Variants in CHD7 observed in about 807,000 individuals in gnomAD.
CHD7 encodes the protein ATP-dependent chromatin remodeler CHD7.
CHD7 carries 24 observed loss-of-function variants against 307.3 expected under a neutral mutation model. The observed-to-expected ratio is 0.08, with a 90% CI of 0.06 to 0.11. CHD7 has a LOEUF of 0.11. Among genes scored for constraint, CHD7 ranks in the 10% least tolerant of loss-of-function variants. The pLI, the probability that CHD7 is intolerant of heterozygous loss-of-function variation, is 1.00. For missense variants in CHD7, 3,106 were observed against 3,727.1 expected (o/e 0.83, Z 4.34); for synonymous variants, 1,363 against 1,349.9 (o/e 1.01, Z -0.21).
Position 60,856,743 on chromosome 8 carries a change from G to A in CHD7, c.7463G>A (p.Gly2488Asp), listed in dbSNP as rs398124324. The A allele has an allele frequency of 1.0e-4, 165 of 1,613,938 alleles. No individual in the cohort carries two copies. Among genetic ancestry groups the A allele is most frequent in the Non-Finnish European group, 1.3e-4 (154 of 1,179,910 alleles). Reference sequence around the variant, plus strand: ...ACTCAAATGGAACTGCTCCAAGCAGGCCTTTCGCGCACACCCACAAGGCAT... The same window carrying A: ...ACTCAAATGGAACTGCTCCAAGCAGACCTTTCGCGCACACCCACAAGGCAT... ...FKTQMELLQA[G>D]LSRTPTRHLL... is the part of the protein sequence containing the mutation. The change falls in exon 34 of 38, where the codon GGC (glycine) becomes GAC (aspartate). Residue 2488 changes from glycine (G) to aspartate (D), a missense_variant. Coordinates refer to ENST00000423902, the MANE Select transcript of CHD7 (RefSeq NM_017780.4).
chr8:60,808,172 A>G (rs938605720), intron 6 of CHD7, 45 bp from the exon 7 acceptor site: 52 of 1,290,604 alleles, frequency 4.0e-5, no homozygotes, highest in Non-Finnish European at 5.0e-5. Flanking sequence ...AAAATATTCT[A>G]GTAGATGGTT....
intron 28 of CHD7, among the ~76,000 whole-genome samples, chr8:60,851,742 G>C (rs1350688796): frequency 6.6e-6 from 1 of 152,164 alleles, no homozygotes; most frequent in Non-Finnish European, 1.5e-5. Context: ...ACATACATTA[G>C]AGGAGAGTAC....
At chr8:60,771,310 A>G (rs929678822) in intron 2 of CHD7, among the ~76,000 whole-genome samples, 4 of 152,214 alleles carry the variant, frequency 2.6e-5, no homozygotes, top group Non-Finnish European at 5.9e-5. Context: ...CTCTCATTCA[A>G]AATGCTTGGA....
rs1324096546 is a variant in CHD7 at position 60,865,969 on chromosome 8, T to C, written c.*36T>C. On this transcript the variant is annotated 3_prime_UTR_variant, in exon 38 of 38. Transcript: ENST00000423902. The surrounding 1 kb of genome is among the most constrained non-coding windows in gnomAD (Gnocchi z 4.3). ...TTCCAGTTCAAGTGTTTAAAACTTT[T>C]GACAAGTGGTAGTCCTACTGTTTAC... is the stretch of plus-strand genomic sequence containing the variant. 1.1e-5 allele frequency: 17 copies of C among 1,528,080 alleles called. No homozygotes were observed. The Admixed American group carries it at 2.7e-4, about 24-fold the overall frequency. The allele number at this position is 1,528,080 out of a possible 1,614,324, so 94.7% of individuals were successfully genotyped here. A position where few individuals can be genotyped will look rare whatever the true frequency, so the allele number is the denominator to read the frequency against.
chr8:60,741,952 C>T lies in CHD7; in HGVS notation c.520C>T (p.Pro174Ser). The change falls in exon 2 of 38, where the codon CCG becomes TCG. Residue 174 changes from proline to serine, a missense_variant. Physicochemically the swap from Pro to Ser is moderately conservative, Grantham distance 74. This residue lies in a region of CHD7 where 998 missense variants were observed against 1,004.5 expected (regional missense o/e 0.99). Coordinates refer to ENST00000423902, the MANE Select transcript of CHD7 (RefSeq NM_017780.4). ...ACAGCCGCAGCCACCGCAGCCGGCT[C>T]CGTCGGGGCCCCCTGCACAGGGCCA... ...QPQPQPPQPAPSGPPAQGHPQ... is the reference protein window; with the variant it reads ...QPQPQPPQPASSGPPAQGHPQ... 1 of 1,613,668 alleles carries T rather than the reference C, an allele frequency of 6.2e-7. No homozygotes were observed. The highest frequency in any genetic ancestry group is 1.1e-5 in the South Asian group (1 of 91,062).
In CHD7 at chr8:60,865,652, C is replaced by A. The variant is rs2129768643; in HGVS notation, c.8713C>A (p.Pro2905Thr). 1 of 1,609,466 alleles carries A rather than the reference C, an allele frequency of 6.2e-7. No individual in the cohort carries two copies. ...LSTMAPGLFY[P>T]SMFLPPGLGG... ...CACAATGGCCCCGGGCCTCTTCTAC[C>A]CATCCATGTTTCTACCTCCAGGACT... The change falls in exon 38 of 38, where the codon CCA becomes ACA. Residue 2905 changes from proline to threonine, a missense_variant. By Grantham distance (38) the Pro-to-Thr change is conservative. Transcript: ENST00000423902. This position sits in a 1 kb window ranked among gnomAD's most constrained non-coding sequence, Gnocchi z 4.3.
intron 2 of CHD7, among the ~76,000 whole-genome samples, chr8:60,749,841 A>C (rs1189562076): frequency 6.6e-6 from 1 of 152,234 alleles, no homozygotes; most frequent in Non-Finnish European, 1.5e-5. Context: ...TTCCTGGGCC[A>C]TAGGTTGCTC....
chr8:60,732,099 G>GT (rs1022264382), intron 1 of CHD7, among the ~76,000 whole-genome samples: 4 of 152,052 alleles, frequency 2.6e-5, no homozygotes, highest in East Asian at 3.8e-4. Flanking sequence ...GTTTTGTTTT[G>GT]TTTTTTTCCC....
intron 1 of CHD7, among the ~76,000 whole-genome samples, chr8:60,682,442 C>T (rs772148268): frequency 6.6e-6 from 1 of 152,164 alleles, no homozygotes; most frequent in Non-Finnish European, 1.5e-5. Context: ...AGAAAATACA[C>T]TGTAAATGCT....
intron 4 of CHD7, among the ~76,000 whole-genome samples, chr8:60,799,884 G>T (rs10957159): frequency 6.6e-6 from 1 of 151,816 alleles, no homozygotes; most frequent in South Asian, 2.1e-4. Flanking sequence ...TGTCCCAGGC[G>T]TCTGACTCCA....
intron 6 of CHD7, among the ~76,000 whole-genome samples, chr8:60,803,354 A>G (rs1812397609): frequency 6.6e-6 from 1 of 152,136 alleles, no homozygotes; most frequent in South Asian, 2.1e-4. Flanking sequence ...TTTAGACTAT[A>G]TATTATGTAG....
chr8:60,749,286 G>A (rs867351223), intron 2 of CHD7, among the ~76,000 whole-genome samples: 25 of 138,832 alleles, frequency 1.8e-4, no homozygotes, highest in East Asian at 1.5e-3. Context: ...CAGGAGAATC[G>A]CTTGAACCCG....
chr8:60,786,468 A>G lies in CHD7; in HGVS notation c.2096+5038A>G, dbSNP rs189766028. On this transcript the variant is annotated intron_variant, in intron 3 of 37. Coordinates refer to ENST00000423902, the MANE Select transcript of CHD7 (RefSeq NM_017780.4). Reference sequence around the variant, plus strand: ...GCTGGAAATTTGTTTCTGCCCATCCAGTGAACTGCAGTGGACTCCAAAGCA... The same window carrying G: ...GCTGGAAATTTGTTTCTGCCCATCCGGTGAACTGCAGTGGACTCCAAAGCA... Among the ~76,000 whole-genome samples the G allele has an allele frequency of 1.6e-4, 24 of 152,338 alleles. No individual in the cohort carries two copies. The East Asian group carries it at 4.2e-3, about 27-fold the overall frequency.
intron 1 of CHD7, among the ~76,000 whole-genome samples, chr8:60,688,919 C>G (rs1806055648): frequency 6.6e-6 from 1 of 152,136 alleles, no homozygotes; most frequent in Admixed American, 6.5e-5. Flanking sequence ...TCCCTTCCTC[C>G]CAAGTTCTCT....
intron 1 of CHD7, 147 bp downstream of exon 1, chr8:60,679,229 C>A (rs1805435731): frequency 7.1e-6 from 1 of 140,262 alleles, no homozygotes; most frequent in South Asian, 2.5e-4. Flanking sequence ...GGGGCGAGGG[C>A]GGGAGGGGGC....
chr8:60,816,184 A>G (rs1170218453), intron 7 of CHD7, among the ~76,000 whole-genome samples: 2 of 151,278 alleles, frequency 1.3e-5, no homozygotes, highest in African/African-American at 2.4e-5. Flanking sequence ...GAGGCTTAGG[A>G]CAGAAGGCAA....
chr8:60,679,539 C>G (rs1805467692), intron 1 of CHD7: 2 of 147,552 alleles, frequency 1.4e-5, no homozygotes, highest in Non-Finnish European at 3.0e-5. Flanking sequence ...CGGCTCCATT[C>G]GAGAGAAAAA....
chr8:60,710,717 G>A (rs1807246698), intron 1 of CHD7, among the ~76,000 whole-genome samples: 1 of 152,224 alleles, frequency 6.6e-6, no homozygotes, highest in African/African-American at 2.4e-5. Context: ...GTACCTCAGA[G>A]AGCAGTGTGA....
chr8:60,823,372 C>CTA (rs1250084418), intron 12 of CHD7, among the ~76,000 whole-genome samples: 2 of 149,720 alleles, frequency 1.3e-5, no homozygotes, highest in Admixed American at 1.3e-4. Context: ...AGGATCTTTG[C>CTA]TATATATATG....
Sources: allele counts gnomAD v4.1 joint callset (sites outside exome capture counted in the v4.1 genomes callset), GRCh38; gene constraint gnomAD v4.1.1; regional missense constraint gnomAD v4.1.1; non-coding constraint Gnocchi (gnomAD v3.1); transcripts MANE v1.5; gene names NCBI Gene and HGNC (gene_info 2026-07-23, HGNC 2026-07-21).